Variants in GRIA1 observed in about 807,000 individuals in gnomAD.
The protein encoded by GRIA1 is glutamate receptor 1.
Under a neutral mutation model 99.2 loss-of-function variants are expected in GRIA1, and 31 were observed. The ratio of observed to expected loss-of-function variants is 0.31; its 90% CI spans 0.23 to 0.42. The LOEUF is 0.42. GRIA1 is among the 10% of genes least tolerant of loss of function. GRIA1 has a pLI of 1.00. For synonymous variants in GRIA1, 438 were observed against 432.4 expected (o/e 1.01, Z -0.16); for missense variants, 782 against 1,157.5 (o/e 0.68, Z 4.71).
intron 11 of GRIA1, among the ~76,000 whole-genome samples, chr5:153,741,616 C>A (rs1033865266): frequency 6.6e-6 from 1 of 152,118 alleles, no homozygotes; most frequent in Admixed American, 6.6e-5. Context: ...ATGGATGAAC[C>A]TTGAGGACAT....
At position 153,705,692 on chromosome 5, in the gene GRIA1, T is replaced by TAATAG; in HGVS notation, c.1453-5_1453-4insAATAG. ...TTTTTTTTTTTTTTTTTTTTTTTTT[T>TAATAG]TCAGAGAGCAGATGTGGCTGTGGCT... On this transcript the variant is annotated splice_polypyrimidine_tract_variant and splice_region_variant and intron_variant, in intron 10 of 15. Transcript: ENST00000285900. 1.6e-6 allele frequency: 2 copies of TAATAG among 1,262,230 alleles called. No individual in the cohort carries two copies. The highest frequency in any genetic ancestry group is 2.0e-6 in the Non-Finnish European group (2 of 981,074). The allele number at this position is 1,262,230 out of a possible 1,614,324, so 78.2% of individuals were successfully genotyped here.
At chr5:153,697,680 G>A (rs1178699869) in intron 8 of GRIA1, among the ~76,000 whole-genome samples, 1 of 152,196 alleles carries the variant, frequency 6.6e-6, no homozygotes, top group Non-Finnish European at 1.5e-5. Flanking sequence ...TGCAGGGTTA[G>A]TAGACATGGG....
chr5:153,680,230 C>A (rs1332969150), intron 7 of GRIA1, among the ~76,000 whole-genome samples: 3 of 151,994 alleles, frequency 2.0e-5, no homozygotes, highest in East Asian at 1.9e-4. Flanking sequence ...TGCACCCCCT[C>A]CCCCTTCACT....
In GRIA1 at chr5:153,649,674, C is replaced by T. The variant is rs1179429356; in HGVS notation, c.461-656C>T. ...ATGGGGTTTCATCATGTTTGCCAGG[C>T]TGGTCTCAAACTCCTGACCTCAGGT... On this transcript the variant is annotated intron_variant, in intron 3 of 15. Coordinates refer to ENST00000285900, the MANE Select transcript of GRIA1 (RefSeq NM_000827.4). 2.6e-5 allele frequency among the ~76,000 whole-genome samples: 4 copies of T among 152,064 alleles called. No homozygotes were observed. The East Asian group carries it at 5.8e-4, about 22-fold the overall frequency.
intron 5 of GRIA1, among the ~76,000 whole-genome samples, chr5:153,657,936 G>T (rs1239584060): frequency 2.6e-5 from 4 of 152,100 alleles, no homozygotes; most frequent in African/African-American, 7.2e-5. Flanking sequence ...TGGAATTTTT[G>T]ACTTCGGAGT....
chr5:153,506,884 A>G (rs752944842), intron 2 of GRIA1, among the ~76,000 whole-genome samples: 21 of 152,178 alleles, frequency 1.4e-4, no homozygotes, highest in Non-Finnish European at 2.8e-4. Context: ...GCACTTTGGG[A>G]GGCCAAGGCG....
intron 2 of GRIA1, among the ~76,000 whole-genome samples, chr5:153,507,405 C>G (rs1359350681): frequency 6.6e-6 from 1 of 152,134 alleles, no homozygotes; most frequent in Non-Finnish European, 1.5e-5. Flanking sequence ...TTTTTTCTCA[C>G]TAGCGTCTAC....
intron 8 of GRIA1, among the ~76,000 whole-genome samples, chr5:153,689,751 A>AT (rs1757603431): frequency 6.6e-6 from 1 of 152,086 alleles, no homozygotes; most frequent in African/African-American, 2.4e-5. Context: ...CATCTGCTGC[A>AT]TTTTTACCAT....
chr5:153,794,732 C>T lies in GRIA1; in HGVS notation c.2382C>T (p.Ser794=). Residue 794 remains serine (S), a synonymous_variant, in exon 14 of 16, where the codon TCC becomes TCT. Coordinates refer to ENST00000285900, the MANE Select transcript of GRIA1 (RefSeq NM_000827.4). ...AGTGCGGCAGCGGGGGAGGTGATTC[C>T]AAGGTCAGCCCCAGTAAGAAAAAAA... is the stretch of plus-strand genomic sequence containing the variant. ...KGECGSGGGD[S]KDKTSALSLS... The T allele has an allele frequency of 1.3e-6, 2 of 1,594,604 alleles. No individual in the cohort carries two copies. The highest frequency in any genetic ancestry group is 2.2e-5 in the East Asian group (1 of 44,750).
In GRIA1 at chr5:153,699,006, GA is replaced by G. The variant is rs1758316429; in HGVS notation, c.1389del (p.Lys463AsnfsTer31). The G allele has an allele frequency of 6.2e-7, 1 of 1,613,956 alleles. No individual in the cohort carries two copies. Among genetic ancestry groups the G allele is most frequent in the African/African-American group, 1.3e-5 (1 of 74,930 alleles). ...TACCGTCTGGAGATTGTCAGTGATG[GA>G]AAATACGGAGCCCGAGACCCTGACA... ...YSYRLEIVSD[G>X]KYGARDPDTK... is the part of the protein sequence containing the mutation. On this transcript the variant is annotated frameshift_variant, in exon 10 of 16. Coordinates refer to ENST00000285900, the MANE Select transcript of GRIA1 (RefSeq NM_000827.4). LOFTEE classifies it high-confidence loss of function.
At chr5:153,602,586 C>T (rs1003414156) in intron 2 of GRIA1, among the ~76,000 whole-genome samples, 1 of 152,042 alleles carries the variant, frequency 6.6e-6, no homozygotes, top group Non-Finnish European at 1.5e-5. Context: ...GCTTGAATTG[C>T]TCTTAGACAG....
intron 2 of GRIA1, among the ~76,000 whole-genome samples, chr5:153,504,968 A>G (rs1219205164): frequency 1.3e-5 from 2 of 152,176 alleles, no homozygotes; most frequent in Non-Finnish European, 2.9e-5. Context: ...ACCAGATGGT[A>G]GGTTCTCCTA....
chr5:153,642,291 G>C (rs192062691), intron 2 of GRIA1, among the ~76,000 whole-genome samples: 16 of 152,256 alleles, frequency 1.1e-4, no homozygotes, highest in African/African-American at 2.6e-4. Context: ...CTCTCAACTT[G>C]CCTTGTGCTG....
At chr5:153,796,528 G>A (rs1208751060) in intron 14 of GRIA1, among the ~76,000 whole-genome samples, 1 of 152,160 alleles carries the variant, frequency 6.6e-6, no homozygotes, top group African/African-American at 2.4e-5. Flanking sequence ...AGGAGCAAGT[G>A]ATCAGTGTTA....
chr5:153,591,984 C>T (rs907813068), intron 2 of GRIA1, among the ~76,000 whole-genome samples: 6 of 152,044 alleles, frequency 3.9e-5, no homozygotes, highest in Non-Finnish European at 7.4e-5. Flanking sequence ...GGAGGGAAAG[C>T]AAATGACTGA....
chr5:153,769,320 G>A (rs72804614), intron 12 of GRIA1, among the ~76,000 whole-genome samples: 2 of 152,262 alleles, frequency 1.3e-5, no homozygotes, highest in Admixed American at 6.5e-5. Flanking sequence ...TTTAGAGCTA[G>A]GGAATATGCA....
chr5:153,679,416 C>T (rs1190376536), intron 7 of GRIA1, among the ~76,000 whole-genome samples: 9 of 152,356 alleles, frequency 5.9e-5, no homozygotes, highest in Admixed American at 5.2e-4. Flanking sequence ...TTAGAGATTA[C>T]TGACTCTTCT....
At chr5:153,768,720 G>C (rs955794937) in intron 12 of GRIA1, among the ~76,000 whole-genome samples, 1 of 152,096 alleles carries the variant, frequency 6.6e-6, no homozygotes, top group African/African-American at 2.4e-5. Context: ...ACAGAAAAAA[G>C]TGATATGCTG....
chr5:153,518,864 A>C (rs938355924), intron 2 of GRIA1, among the ~76,000 whole-genome samples: 2 of 152,202 alleles, frequency 1.3e-5, no homozygotes, highest in Non-Finnish European at 2.9e-5. Flanking sequence ...TCAGCCTGGC[A>C]TCGTGCTCCA....
Sources: gnomAD v4.1 joint callset for allele counts (sites outside exome capture counted in the v4.1 genomes callset) on GRCh38, gnomAD v4.1.1 for gene constraint, MANE v1.5 for transcripts, NCBI Gene and HGNC (gene_info 2026-07-23, HGNC 2026-07-21) for gene names.